SCNN1A: variants seen among roughly 807,000 people sequenced by gnomAD.
The protein encoded by SCNN1A is sodium channel epithelial 1 subunit alpha, also known as epithelial sodium channel subunit alpha.
SCNN1A carries 65 observed loss-of-function variants against 68.6 expected under a neutral mutation model. The ratio of observed to expected loss-of-function variants is 0.95; its 90% CI spans 0.78 to 1.16. The LOEUF (loss-of-function observed/expected upper bound fraction) is 1.16. Among genes scored for constraint, SCNN1A ranks in the 50% most tolerant of loss-of-function variants. The pLI is 0.00. For synonymous variants in SCNN1A, 357 were observed against 353.3 expected (o/e 1.01, Z -0.12); for missense variants, 880 against 865.9 (o/e 1.02, Z -0.20).
intron 2 of SCNN1A, among the ~76,000 whole-genome samples, chr12:6,369,399 C>G (rs535284061): frequency 7.6e-4 from 112 of 147,418 alleles, no homozygotes; most frequent in Middle Eastern, 7.0e-3. Context: ...GATGAGCCCC[C>G]CCACTGAGCA....
chr12:6,375,993 A>C, upstream of SCNN1A: 1 of 1,000,724 alleles, frequency 1.0e-6, no homozygotes, highest in Non-Finnish European at 1.2e-6. Context: ...GGGCAAATAG[A>C]AGGAGCCAGC....
At chr12:6,377,071 G>A, upstream of SCNN1A, 1 of 553,040 alleles carries the variant, frequency 1.8e-6, no homozygotes, top group African/African-American at 1.9e-5. Flanking sequence ...TCCCAGAGAA[G>A]GTGTCATCTC....
rs1435191194 is a variant in SCNN1A, at chr12:6,348,031, A to G, written c.1852T>C (p.Cys618Arg). The G allele has an allele frequency of 1.9e-6, 3 of 1,604,284 alleles. No homozygotes were observed. The highest frequency in any genetic ancestry group is 2.6e-6 in the Non-Finnish European group (3 of 1,175,400). ...TLASSPPSHF[C>R]PHPMSLSLSQ... The stretch of plus-strand genomic sequence containing the variant: ...AAGGACAGAGACATGGGGTGGGGGC[A>G]GAAGTGGGAAGGAGGGGAGGATGCC... Residue 618 changes from cysteine to arginine, a missense_variant, in exon 13 of 13, where the codon TGC (cysteine) becomes CGC (arginine). Cys to Arg is a radical substitution (Grantham distance 180). Coordinates refer to ENST00000228916, the MANE Select transcript of SCNN1A (RefSeq NM_001038.6).
At chr12:6,361,768 C>T (rs1291781890) in intron 4 of SCNN1A, among the ~76,000 whole-genome samples, 2 of 152,036 alleles carry the variant, frequency 1.3e-5, no homozygotes, top group Non-Finnish European at 2.9e-5. Context: ...CAAAAAAGAC[C>T]AAGATCCATG....
intron 2 of SCNN1A, among the ~76,000 whole-genome samples, chr12:6,366,035 T>C (rs1385322626): frequency 6.6e-6 from 1 of 152,116 alleles, no homozygotes; most frequent in East Asian, 1.9e-4. Flanking sequence ...TTTGTATTTT[T>C]AGTAGAGACG....
At chr12:6,369,340 G>GCACCTCCCTCCTGCCACCCTACA (rs1948741491) in intron 2 of SCNN1A, among the ~76,000 whole-genome samples, 1 of 142,964 alleles carries the variant, frequency 7.0e-6, no homozygotes. Context: ...GCCACCCTAC[G>GCACCTCCCTCCTGCCACCCTACA]CACCTCCCTC....
At chr12:6,357,236 C>T (rs1948511839) in intron 4 of SCNN1A, among the ~76,000 whole-genome samples, 1 of 152,082 alleles carries the variant, frequency 6.6e-6, no homozygotes, top group Non-Finnish European at 1.5e-5. Flanking sequence ...CAAGTTCCAT[C>T]AGCGGTGGAG....
Position 6,354,832 on chromosome 12 carries a change from A to G in SCNN1A, c.1160T>C (p.Leu387Pro), listed in dbSNP as rs373986349. The change falls in exon 7 of 13, where the codon CTT becomes CCT. Residue 387 changes from leucine (L) to proline (P), a missense_variant. Leu to Pro is a moderately conservative substitution (Grantham distance 98). Around this residue, in one of 3 missense-constraint regions of SCNN1A, gnomAD observed 758 missense variants for 721.8 expected, o/e 1.05. Coordinates refer to ENST00000228916, the MANE Select transcript of SCNN1A (RefSeq NM_001038.6). Reference protein sequence around the residue: ...ISMRKETLDRLGGDYGDCTKN... With the variant: ...ISMRKETLDRPGGDYGDCTKN... ...GGTGCAGTCGCCATAATCGCCCCCA[A>G]GTCTGTCCAGGGTTTCCTATGAACC... 1.2e-6 allele frequency: 2 copies of G among 1,613,682 alleles called. No individual in the cohort carries two copies. Among genetic ancestry groups the G allele is most frequent in the African/African-American group, 1.3e-5 (1 of 74,798 alleles).
intron 2 of SCNN1A, among the ~76,000 whole-genome samples, chr12:6,367,874 C>T (rs1948707526): frequency 6.6e-6 from 1 of 152,186 alleles, no homozygotes; most frequent in South Asian, 2.1e-4. Context: ...ACCGTCTAGT[C>T]CAGATCTTCA....
intron 1 of SCNN1A, 196 bp downstream of exon 1, chr12:6,375,308 GC>G: frequency 1.4e-6 from 2 of 1,431,952 alleles, no homozygotes; most frequent in Non-Finnish European, 1.8e-6. Flanking sequence ...CCCTTGCCTT[GC>G]CCCCTCTCAC....
At chr12:6,375,636 G>A (rs72645139), upstream of SCNN1A, 3,852 of 1,489,374 alleles carry the variant, frequency 2.6e-3, 6 homozygotes, top group Admixed American at 5.7e-3. Context: ...AGTCAGAGCC[G>A]GGAGTTTTCC....
Position 6,355,825 on chromosome 12 carries a change from TG to T in SCNN1A, c.930del (p.Asp310GlufsTer21), listed in dbSNP as rs1236938424. On this transcript the variant is annotated frameshift_variant, in exon 5 of 13. Coordinates refer to ENST00000228916, the MANE Select transcript of SCNN1A (RefSeq NM_001038.6). LOFTEE classifies it high-confidence loss of function. ...PMYGNCYTFNDKNNSNLWMSS... is the reference protein window; with the variant it reads ...PMYGNCYTFNXKNNSNLWMSS... The stretch of plus-strand genomic sequence containing the variant: ...GACATCCAGAGGTTGGAGTTGTTCT[TG>T]TCATTGAAAGTATAGCAGTTTCCAT... 1.2e-6 allele frequency: 2 copies of T among 1,613,782 alleles called. No homozygotes were observed. The highest frequency in any genetic ancestry group is 1.3e-5 in the African/African-American group (1 of 74,930).
chr12:6,371,842 C>T (rs1421121957), intron 2 of SCNN1A, among the ~76,000 whole-genome samples: 1 of 152,102 alleles, frequency 6.6e-6, no homozygotes, highest in African/African-American at 2.4e-5. Flanking sequence ...CACTCTGTGG[C>T]TCAGGCTGGA....
At chr12:6,371,123 T>G (rs1258476606) in intron 2 of SCNN1A, among the ~76,000 whole-genome samples, 3 of 152,042 alleles carry the variant, frequency 2.0e-5, no homozygotes, top group Non-Finnish European at 4.4e-5. Flanking sequence ...ATGTCCACTT[T>G]CCTCCTCTCC....
intron 2 of SCNN1A, among the ~76,000 whole-genome samples, chr12:6,370,619 C>A (rs976044072): frequency 6.6e-6 from 1 of 152,218 alleles, no homozygotes; most frequent in Non-Finnish European, 1.5e-5. Flanking sequence ...TCTCAACAGT[C>A]CAGGCTTTTT....
chr12:6,369,699 T>C (rs1948751517), intron 2 of SCNN1A, among the ~76,000 whole-genome samples: 1 of 151,382 alleles, frequency 6.6e-6, no homozygotes, highest in Non-Finnish European at 1.5e-5. Context: ...CCGGGCATGG[T>C]GGTGGGCGCC....
chr12:6,366,725 G>T (rs543826005), intron 2 of SCNN1A, among the ~76,000 whole-genome samples: 1 of 151,946 alleles, frequency 6.6e-6, no homozygotes, highest in African/African-American at 2.4e-5. Flanking sequence ...GCTTGAACCC[G>T]GGAGGCGGAG....
At chr12:6,369,802 C>G (rs889028572) in intron 2 of SCNN1A, among the ~76,000 whole-genome samples, 2 of 146,206 alleles carry the variant, frequency 1.4e-5, no homozygotes, top group African/African-American at 5.2e-5. Context: ...CCACTGCACT[C>G]CAGCCTGGGC....
intron 4 of SCNN1A, among the ~76,000 whole-genome samples, chr12:6,358,079 G>A (rs1316593035): frequency 6.6e-6 from 1 of 152,184 alleles, no homozygotes; most frequent in African/African-American, 2.4e-5. Context: ...TATTAGATGT[G>A]GGACCAAACA....
Sources: gnomAD v4.1 joint callset for allele counts (sites outside exome capture counted in the v4.1 genomes callset) on GRCh38, gnomAD v4.1.1 for gene constraint, gnomAD v4.1.1 regional missense constraint, MANE v1.5 for transcripts, NCBI Gene and HGNC (gene_info 2026-07-23, HGNC 2026-07-21) for gene names.